FNBP1: variants seen among roughly 807,000 people sequenced by gnomAD.
The protein encoded by FNBP1 is formin-binding protein 1.
Under a neutral mutation model 90.6 loss-of-function variants are expected in FNBP1, and 26 were observed. The observed-to-expected ratio is 0.29, with a 90% confidence interval of 0.21 to 0.40. FNBP1 has a LOEUF of 0.40. Ranked by LOEUF, FNBP1 falls within the 10% of genes least tolerant of loss-of-function variation. The pLI, the probability that FNBP1 is intolerant of heterozygous loss-of-function variation, is 1.00. For missense variants in FNBP1, 635 were observed against 768.0 expected, an observed-to-expected ratio of 0.83 and a Z score of 2.05; for synonymous variants, 260 against 265.2, an observed-to-expected ratio of 0.98 and a Z score of 0.19.
chr9:129,920,557 C>T (rs2040927351), intron 10 of FNBP1, among the ~76,000 whole-genome samples: 1 of 152,210 alleles, frequency 6.6e-6, no homozygotes, highest in Non-Finnish European at 1.5e-5. Flanking sequence ...ACCTCAGCCT[C>T]CCAAAGTGCT....
At position 129,911,579 on chromosome 9, in the gene FNBP1, C is replaced by A. The variant is rs183863134; in HGVS notation, c.1186-2580G>T. 6.4e-3 allele frequency among the ~76,000 whole-genome samples: 968 copies of A among 152,294 alleles called. 10 individuals carry two copies. Among genetic ancestry groups the A allele is most frequent in the Middle Eastern group, 0.014 (4 of 294 alleles). On this transcript the variant is annotated intron_variant, in intron 11 of 16. Coordinates refer to ENST00000446176, the MANE Select transcript of FNBP1 (RefSeq NM_015033.3). ...CATGGATGCTCTGTGCCCCCTCCCC[C>A]ACACCTTGCCCTAAGCATCTCTTCA...
the FNBP1 span, chr9:130,053,670 G>T: frequency 1.9e-6 from 1 of 533,744 alleles, no homozygotes. Context: ...GGCTGGTCTG[G>T]TTCGGCCACC....
At chr9:129,948,971 C>A (rs148283492) in intron 6 of FNBP1, among the ~76,000 whole-genome samples, 1 of 151,852 alleles carries the variant, frequency 6.6e-6, no homozygotes. Context: ...GAGTAAGATG[C>A]GGACATGGTA....
intron 7 of FNBP1, 37 bp from the exon 8 acceptor site, chr9:129,927,378 CATTATT>C: frequency 6.3e-7 from 1 of 1,591,452 alleles, no homozygotes; most frequent in Non-Finnish European, 8.6e-7. Flanking sequence ...AAGTTTGGTC[CATTATT>C]ATTAAACAAA....
chr9:130,019,030 G>C (rs969588675), intron 1 of FNBP1, among the ~76,000 whole-genome samples: 1 of 152,098 alleles, frequency 6.6e-6, no homozygotes, highest in Non-Finnish European at 1.5e-5. Context: ...TTCAAGACCA[G>C]CTTGGGCAAT....
At chr9:129,979,188 T>A in intron 3 of FNBP1, 130 bp downstream of exon 3, 1 of 576,646 alleles carries the variant, frequency 1.7e-6, no homozygotes, top group Non-Finnish European at 3.1e-6. Context: ...TGTTCTCTCC[T>A]CCAATTTAAA....
At chr9:130,046,580 C>CAAAAAAAAAAAAAAAAAAA (rs56392821), upstream of FNBP1, among the ~76,000 whole-genome samples, 2 of 66,790 alleles carry the variant, frequency 3.0e-5, no homozygotes, top group African/African-American at 1.2e-4. Context: ...ACTAAAAATA[C>CAAAAAAAAAAAAAAAAAAA]AAAAAAAAAA....
intron 1 of FNBP1, among the ~76,000 whole-genome samples, chr9:130,004,463 C>T (rs2055357839): frequency 6.6e-6 from 1 of 152,184 alleles, no homozygotes; most frequent in Non-Finnish European, 1.5e-5. Context: ...ATCTCCTCCA[C>T]ACTACTGAGA....
intron 1 of FNBP1, among the ~76,000 whole-genome samples, chr9:130,034,832 G>A (rs1055315823): frequency 8.5e-5 from 13 of 152,158 alleles, no homozygotes; most frequent in African/African-American, 2.9e-4. Context: ...TGGGGATAAA[G>A]GGAACTGTGC....
At chr9:130,020,904 G>A (rs2057764964) in intron 1 of FNBP1, among the ~76,000 whole-genome samples, 1 of 152,100 alleles carries the variant, frequency 6.6e-6, no homozygotes, top group South Asian at 2.1e-4. Context: ...GTGGTACTTA[G>A]ACTTAGTGCC....
At chr9:129,955,185 T>C (rs79746999) in intron 6 of FNBP1, among the ~76,000 whole-genome samples, 11,157 of 151,560 alleles carry the variant, frequency 0.074, 507 homozygotes, top group Admixed American at 0.12. Flanking sequence ...TTGCTGCTGA[T>C]ATGACCATCT....
intron 2 of FNBP1, among the ~76,000 whole-genome samples, chr9:129,984,270 T>TA (rs1363205530): frequency 1.3e-5 from 2 of 149,244 alleles, no homozygotes; most frequent in South Asian, 2.1e-4. Flanking sequence ...CAGCAGAAAA[T>TA]AAAAAAAATA....
chr9:130,053,850 G>C, the FNBP1 span: 2 of 1,356,672 alleles, frequency 1.5e-6, no homozygotes, highest in African/African-American at 2.9e-5. Flanking sequence ...GCCGAGCCCC[G>C]CTCCCCGGGC....
At chr9:130,002,668 AT>A (rs1303583358) in intron 1 of FNBP1, among the ~76,000 whole-genome samples, 1 of 151,962 alleles carries the variant, frequency 6.6e-6, no homozygotes, top group African/African-American at 2.4e-5. Context: ...CCAAACAAAG[AT>A]TTTTTTCTTT....
At chr9:130,014,973 T>C (rs2057073871) in intron 1 of FNBP1, among the ~76,000 whole-genome samples, 1 of 149,368 alleles carries the variant, frequency 6.7e-6, no homozygotes, top group South Asian at 2.1e-4. Context: ...GAAAAACTTC[T>C]TAAAAAAAAA....
chr9:129,947,581 G>C (rs72757263), intron 6 of FNBP1, among the ~76,000 whole-genome samples: 1,582 of 152,128 alleles, frequency 0.01, 18 homozygotes, highest in South Asian at 0.04. Flanking sequence ...GGAATGAATG[G>C]ATACATGTGA....
intron 6 of FNBP1, among the ~76,000 whole-genome samples, chr9:129,941,168 C>T (rs2044267739): frequency 6.6e-6 from 1 of 151,910 alleles, no homozygotes; most frequent in Admixed American, 6.6e-5. Context: ...GCGGGCAGAT[C>T]ACCTGAGGTC....
At chr9:129,934,723 C>T (rs1317888430) in intron 6 of FNBP1, among the ~76,000 whole-genome samples, 1 of 152,090 alleles carries the variant, frequency 6.6e-6, no homozygotes, top group Non-Finnish European at 1.5e-5. Context: ...AGGCACCCGC[C>T]ACCACGCCCG....
At position 129,923,266 on chromosome 9, in the gene FNBP1, C is replaced by A. The variant is rs571136432; in HGVS notation, c.1170+578G>T. The stretch of plus-strand genomic sequence containing the variant: ...CTTTAAAGAGGAAGAGGGGTAAAGT[C>A]CTTCCAAAATGTACTAGAAACGAAA... On this transcript the variant is annotated intron_variant, in intron 10 of 16. Transcript: ENST00000446176. 2.3e-4 allele frequency among the ~76,000 whole-genome samples: 35 copies of A among 151,922 alleles called. 2 individuals are homozygous for A. In the South Asian group the frequency reaches 6.9e-3, roughly 30 times the overall value.
Sources: gnomAD v4.1 joint callset for allele counts (sites outside exome capture counted in the v4.1 genomes callset) on GRCh38, gnomAD v4.1.1 for gene constraint, MANE v1.5 for transcripts, NCBI Gene and HGNC (gene_info 2026-07-23, HGNC 2026-07-21) for gene names.